ITGA9: variants seen among roughly 807,000 people sequenced by gnomAD.
ITGA9 encodes the protein integrin subunit alpha 9.
ITGA9 carries 56 observed loss-of-function variants against 127.8 expected under a neutral mutation model. That is an observed-to-expected ratio of 0.44 (90% CI 0.35 to 0.55). The LOEUF (loss-of-function observed/expected upper bound fraction) is 0.55. Ranked by LOEUF, ITGA9 falls within the 20% of genes least tolerant of loss-of-function variation. ITGA9 has a pLI of 0.00. For missense variants in ITGA9, 1,196 were observed against 1,347.1 expected (o/e 0.89, Z 1.76); for synonymous variants, 508 against 514.5 (o/e 0.99, Z 0.17).
At chr3:37,478,783 C>T (rs1698521231) in intron 3 of ITGA9, among the ~76,000 whole-genome samples, 3 of 152,300 alleles carry the variant, frequency 2.0e-5, no homozygotes, top group Middle Eastern at 6.8e-3. Context: ...GCATTGTTTT[C>T]CTACATGAAT....
Position 37,777,376 on chromosome 3 carries a change from C to G in ITGA9, c.2542-16C>G. The G allele has an allele frequency of 6.2e-7, 1 of 1,614,054 alleles. No homozygotes were observed. Among genetic ancestry groups the G allele is most frequent in the Non-Finnish European group, 8.5e-7 (1 of 1,179,950 alleles). Reference sequence around the variant, plus strand: ...CTTGAGAATGACTCCTCTGACAGGCCTCTTTTCATTTGCAGGTGGGCCAAG... The same window carrying G: ...CTTGAGAATGACTCCTCTGACAGGCGTCTTTTCATTTGCAGGTGGGCCAAG... On this transcript the variant is annotated splice_polypyrimidine_tract_variant and intron_variant, in intron 23 of 27. Transcript: ENST00000264741.
At chr3:37,748,936 GT>G in intron 22 of ITGA9, 13 of 657,480 alleles carry the variant, frequency 2.0e-5, no homozygotes, top group South Asian at 3.5e-5. Context: ...CCTCTGGACT[GT>G]TTAAAAAAAA....
intron 23 of ITGA9, among the ~76,000 whole-genome samples, chr3:37,756,358 A>G (rs1192074885): frequency 1.3e-5 from 2 of 152,228 alleles, no homozygotes; most frequent in African/African-American, 4.8e-5. Flanking sequence ...CTTTAACCAT[A>G]GAAACACAAA....
intron 6 of ITGA9, among the ~76,000 whole-genome samples, chr3:37,504,680 G>A (rs1353741689): frequency 1.3e-5 from 2 of 152,150 alleles, no homozygotes. Flanking sequence ...CGAGCCTGTG[G>A]TTTCTCTTTG....
intron 15 of ITGA9, among the ~76,000 whole-genome samples, chr3:37,620,335 G>T (rs183022023): frequency 1.6e-4 from 25 of 152,284 alleles, no homozygotes; most frequent in African/African-American, 5.1e-4. Context: ...CCTGGTTCCA[G>T]CCTGCTCTCC....
At chr3:37,792,126 T>G (rs1697118742) in intron 26 of ITGA9, among the ~76,000 whole-genome samples, 1 of 152,176 alleles carries the variant, frequency 6.6e-6, no homozygotes, top group Non-Finnish European at 1.5e-5. Flanking sequence ...TCCCCACATG[T>G]GAGAATTAAG....
chr3:37,635,199 A>T (rs1700266035), intron 16 of ITGA9, among the ~76,000 whole-genome samples: 1 of 152,218 alleles, frequency 6.6e-6, no homozygotes, highest in Non-Finnish European at 1.5e-5. Flanking sequence ...GTAGAGGAGG[A>T]TGTATAATCA....
chr3:37,789,097 T>G (rs1697074633), intron 26 of ITGA9, among the ~76,000 whole-genome samples: 1 of 152,188 alleles, frequency 6.6e-6, no homozygotes, highest in South Asian at 2.1e-4. Flanking sequence ...CTGTGTGCCT[T>G]TATTTGGGAA....
chr3:37,529,578 C>T (rs142877662), intron 13 of ITGA9, among the ~76,000 whole-genome samples: 92 of 152,282 alleles, frequency 6.0e-4, no homozygotes, highest in Middle Eastern at 6.8e-3. Flanking sequence ...GTTTTAAGGA[C>T]GGGAAGCTCT....
intron 26 of ITGA9, chr3:37,790,450 T>A: frequency 2.5e-6 from 1 of 399,406 alleles, no homozygotes; most frequent in South Asian, 2.0e-5. Context: ...CCCCATCTCA[T>A]AACATGATGC....
chr3:37,550,983 A>G (rs754592137), intron 15 of ITGA9, among the ~76,000 whole-genome samples: 2 of 152,212 alleles, frequency 1.3e-5, no homozygotes, highest in Non-Finnish European at 2.9e-5. Flanking sequence ...TAAGTTGGTC[A>G]TATCACTCAA....
At chr3:37,508,489 G>A in intron 7 of ITGA9, 70 bp from the exon 8 acceptor site, 3 of 1,287,838 alleles carry the variant, frequency 2.3e-6, no homozygotes, top group Non-Finnish European at 2.2e-6. Flanking sequence ...AGGACTCCCA[G>A]GAGAGTGCTG....
Position 37,760,684 on chromosome 3 carries a change from G to A in ITGA9, c.2541+10115G>A, listed in dbSNP as rs1271765216. Among the ~76,000 whole-genome samples the A allele has an allele frequency of 2.0e-5, 3 of 151,982 alleles. No individual in the cohort carries two copies. In the East Asian group the frequency reaches 5.8e-4, roughly 29 times the overall value. On this transcript the variant is annotated intron_variant, in intron 23 of 27. Transcript: ENST00000264741. ...AAAAAAACAAACAAACAAAAAACAGGTGAATTAAAGTTAGATGTTAAAAAA... is the reference window on the plus strand; with the variant it reads ...AAAAAAACAAACAAACAAAAAACAGATGAATTAAAGTTAGATGTTAAAAAA...
chr3:37,778,024 T>C (rs1696928608), intron 24 of ITGA9, among the ~76,000 whole-genome samples: 4 of 152,326 alleles, frequency 2.6e-5, no homozygotes, highest in South Asian at 4.1e-4. Flanking sequence ...GCAATTGTGG[T>C]ATATCCATAC....
intron 15 of ITGA9, among the ~76,000 whole-genome samples, chr3:37,595,714 T>C (rs1460745315): frequency 1.3e-5 from 2 of 152,190 alleles, no homozygotes; most frequent in Non-Finnish European, 2.9e-5. Flanking sequence ...GTAGGCAGGA[T>C]GGCCATGTAT....
chr3:37,631,757 G>A (rs1418477248), intron 16 of ITGA9, among the ~76,000 whole-genome samples: 1 of 152,158 alleles, frequency 6.6e-6, no homozygotes, highest in African/African-American at 2.4e-5. Context: ...GCAAGTGGTG[G>A]TGGTATTGAG....
intron 11 of ITGA9, among the ~76,000 whole-genome samples, chr3:37,522,882 A>G (rs1699058617): frequency 6.6e-6 from 1 of 152,082 alleles, no homozygotes; most frequent in Non-Finnish European, 1.5e-5. Context: ...AGTGCTTTTG[A>G]TTTCCTACAG....
At chr3:37,717,931 G>A (rs1161880783) in intron 18 of ITGA9, among the ~76,000 whole-genome samples, 2 of 152,222 alleles carry the variant, frequency 1.3e-5, no homozygotes, top group Non-Finnish European at 2.9e-5. Context: ...GACCTGTGGG[G>A]TGGGAATGGG....
intron 27 of ITGA9, among the ~76,000 whole-genome samples, chr3:37,815,512 G>A (rs991373751): frequency 2.6e-4 from 40 of 152,014 alleles, no homozygotes; most frequent in African/African-American, 9.2e-4. Flanking sequence ...GAGAGGCTGA[G>A]GCAGGAGAAT....
Sources: gnomAD v4.1 joint callset for allele counts (sites outside exome capture counted in the v4.1 genomes callset) on GRCh38, gnomAD v4.1.1 for gene constraint, MANE v1.5 for transcripts, NCBI Gene and HGNC (gene_info 2026-07-23, HGNC 2026-07-21) for gene names.